MCF2L2: variants seen among roughly 807,000 people sequenced by gnomAD.
MCF2L2 encodes MCF.2 cell line derived transforming sequence-like 2.
A neutral mutation model predicts 150.2 loss-of-function variants in MCF2L2; 102 were observed. The ratio of observed to expected loss-of-function variants is 0.68; its 90% CI spans 0.58 to 0.80. MCF2L2 has a LOEUF of 0.80. Ranked by LOEUF, MCF2L2 falls within the 30% of genes least tolerant of loss-of-function variation. The pLI, the probability that MCF2L2 is intolerant of heterozygous loss-of-function variation, is 0.00. For synonymous variants in MCF2L2, 465 were observed against 491.3 expected, an observed-to-expected ratio of 0.95 and a Z score of 0.71; for missense variants, 1,256 against 1,372.8, an observed-to-expected ratio of 0.91 and a Z score of 1.34.
At chr3:183,367,858 G>A (rs1455690082) in intron 3 of MCF2L2, among the ~76,000 whole-genome samples, 5 of 152,160 alleles carry the variant, frequency 3.3e-5, no homozygotes, top group African/African-American at 1.2e-4. Context: ...ATTTTTCACA[G>A]TAAAGAAACA....
chr3:183,264,454 C>T (rs932727931), intron 15 of MCF2L2, among the ~76,000 whole-genome samples: 4 of 152,192 alleles, frequency 2.6e-5, no homozygotes, highest in Admixed American at 6.5e-5. Flanking sequence ...GTGGGAACTA[C>T]GAGTCTTGTC....
At chr3:183,216,239 G>T in intron 21 of MCF2L2, 145 bp from the exon 22 acceptor site, 2 of 879,254 alleles carry the variant, frequency 2.3e-6, no homozygotes, top group Non-Finnish European at 3.5e-6. Context: ...TGCTCCCAAA[G>T]CATGGTGGCT....
chr3:183,410,252 G>T (rs1002995678), intron 1 of MCF2L2, among the ~76,000 whole-genome samples: 4 of 152,152 alleles, frequency 2.6e-5, no homozygotes, highest in Non-Finnish European at 5.9e-5. Context: ...AATAACTTCA[G>T]CCTCCAAACT....
chr3:183,356,834 C>G (rs1711814786), intron 3 of MCF2L2, among the ~76,000 whole-genome samples: 1 of 152,074 alleles, frequency 6.6e-6, no homozygotes, highest in African/African-American at 2.4e-5. Context: ...AAAACAACTA[C>G]AAAAAAGTTT....
rs1485530939 is a variant in MCF2L2, at chr3:183,416,317, C to T, written c.76+11585G>A. On this transcript the variant is annotated intron_variant, in intron 1 of 29. Coordinates refer to ENST00000328913, the MANE Select transcript of MCF2L2 (RefSeq NM_015078.4). ...TATTTATAGAGTTTGTAACATTAAC[C>T]TTATTTACTATTCCTGGTTCTCTTC... Among the ~76,000 whole-genome samples the T allele has an allele frequency of 1.3e-5, 2 of 152,068 alleles. 1 individual carries two copies. The highest frequency in any genetic ancestry group is 2.9e-5 in the Non-Finnish European group (2 of 67,996).
chr3:183,296,882 G>T, intron 12 of MCF2L2, 94 bp downstream of exon 12: 1 of 1,389,622 alleles, frequency 7.2e-7, no homozygotes, highest in Non-Finnish European at 9.8e-7. Context: ...AGCCTGCTCA[G>T]TACCCTGTGT....
At chr3:183,408,426 G>A (rs1453126388) in intron 1 of MCF2L2, among the ~76,000 whole-genome samples, 2 of 152,186 alleles carry the variant, frequency 1.3e-5, no homozygotes, top group Non-Finnish European at 2.9e-5. Context: ...TACACCTGAG[G>A]AGCTGCGCAG....
At position 183,178,161 on chromosome 3, in the gene MCF2L2, T is replaced by G. The variant is rs1222722517; in HGVS notation, c.*1219A>C. 1.3e-5 allele frequency: 2 copies of G among 152,184 alleles called. No homozygotes were observed. The highest frequency in any genetic ancestry group is 2.9e-5 in the Non-Finnish European group (2 of 68,030). 9.4% of individuals were successfully genotyped at this position (152,184 alleles called of 1,614,324 possible). A position where few individuals can be genotyped will look rare whatever the true frequency, so the allele number is the denominator to read the frequency against. ...AGGTAAATAACTCAGATAATAATTG[T>G]AAAGATAATTAAAAATAAATTCCGG... On this transcript the variant is annotated 3_prime_UTR_variant, in exon 30 of 30. Transcript: ENST00000328913.
In MCF2L2 at chr3:183,295,349, C is replaced by T; in HGVS notation, c.1626G>A (p.Glu542=). 1 of 1,613,436 alleles carries T rather than the reference C, an allele frequency of 6.2e-7. No homozygotes were observed. Among genetic ancestry groups the T allele is most frequent in the Non-Finnish European group, 8.5e-7 (1 of 1,179,722 alleles). The change falls in exon 13 of 30, where the codon GAG becomes GAA. Residue 542 remains glutamate (E), a synonymous_variant. Coordinates refer to ENST00000328913, the MANE Select transcript of MCF2L2 (RefSeq NM_015078.4). The stretch of plus-strand genomic sequence containing the variant: ...TTGATGACACCCATTTTGGTGAAGA[C>T]TCAGGATGTGGGGCCACAGGTTGCA... ...RPVQPVAPHP[E]SSPKWVSSKT...
chr3:183,423,924 A>G (rs1167874998), intron 1 of MCF2L2, among the ~76,000 whole-genome samples: 1 of 152,052 alleles, frequency 6.6e-6, no homozygotes, highest in Non-Finnish European at 1.5e-5. Context: ...GCCCGGCGAC[A>G]TGGCCCATCT....
At chr3:183,312,635 C>T (rs1001596605) in intron 7 of MCF2L2, among the ~76,000 whole-genome samples, 1 of 152,226 alleles carries the variant, frequency 6.6e-6, no homozygotes, top group Admixed American at 6.5e-5. Context: ...TGCACGCAAA[C>T]ACTGAATCAC....
chr3:183,339,339 C>T (rs1175233007), intron 4 of MCF2L2, among the ~76,000 whole-genome samples: 1 of 152,068 alleles, frequency 6.6e-6, no homozygotes, highest in Non-Finnish European at 1.5e-5. Flanking sequence ...TATTTTGTAA[C>T]CGGCCTTCTC....
In MCF2L2 at chr3:183,427,892, C is replaced by T. The variant is rs1443111708; in HGVS notation, c.76+10G>A. 1.2e-6 allele frequency: 2 copies of T among 1,613,208 alleles called. No individual in the cohort carries two copies. The highest frequency in any genetic ancestry group is 1.7e-6 in the Non-Finnish European group (2 of 1,179,250). On this transcript the variant is annotated intron_variant, in intron 1 of 29. Transcript: ENST00000328913. ...TAATAAAACGCAGGAAAAATTAAAGCTTCGTTTACCGACATGAGTGATCAC... is the reference window on the plus strand; with the variant it reads ...TAATAAAACGCAGGAAAAATTAAAGTTTCGTTTACCGACATGAGTGATCAC...
At chr3:183,390,789 T>C (rs1373191651) in intron 1 of MCF2L2, among the ~76,000 whole-genome samples, 1 of 152,074 alleles carries the variant, frequency 6.6e-6, no homozygotes, top group South Asian at 2.1e-4. Flanking sequence ...CCCAGCTACT[T>C]GGGAGGCTGA....
At chr3:183,254,410 C>G (rs1007562985) in intron 15 of MCF2L2, among the ~76,000 whole-genome samples, 17 of 151,840 alleles carry the variant, frequency 1.1e-4, no homozygotes, top group Admixed American at 4.6e-4. Flanking sequence ...GAAGGAGGCT[C>G]GTCCCCTCCC....
chr3:183,415,375 C>T (rs888190891), intron 1 of MCF2L2, among the ~76,000 whole-genome samples: 1 of 152,026 alleles, frequency 6.6e-6, no homozygotes, highest in African/African-American at 2.4e-5. Context: ...TTAGTAGAGA[C>T]GAGGTTTCAC....
At chr3:183,398,809 T>G (rs558203815) in intron 1 of MCF2L2, among the ~76,000 whole-genome samples, 77 of 152,290 alleles carry the variant, frequency 5.1e-4, no homozygotes, top group African/African-American at 1.7e-3. Flanking sequence ...TCACAAAACT[T>G]ACATTAACAT....
At position 183,270,263 on chromosome 3, in the gene MCF2L2, T is replaced by A; in HGVS notation, c.1862+6609A>T. 6.2e-7 allele frequency: 1 copy of A among 1,614,170 alleles called. No homozygotes were observed. ...CTTGGGAAGATCAAAGGTACAATGA[T>A]ATAATTCAGCAAGACTTTGTTGATT... On this transcript the variant is annotated intron_variant, in intron 15 of 29. Coordinates refer to ENST00000328913, the MANE Select transcript of MCF2L2 (RefSeq NM_015078.4). This position sits in a 1 kb window ranked among gnomAD's most constrained non-coding sequence, Gnocchi z 4.5.
intron 1 of MCF2L2, among the ~76,000 whole-genome samples, chr3:183,422,065 A>C (rs1168640661): frequency 6.6e-6 from 1 of 152,224 alleles, no homozygotes; most frequent in Non-Finnish European, 1.5e-5. Context: ...GCCCTGGGGC[A>C]TAAAATTGCT....
Sources: allele counts gnomAD v4.1 joint callset (sites outside exome capture counted in the v4.1 genomes callset), GRCh38; gene constraint gnomAD v4.1.1; non-coding constraint Gnocchi (gnomAD v3.1); transcripts MANE v1.5; gene names NCBI Gene and HGNC (gene_info 2026-07-23, HGNC 2026-07-21).